The following CPPED1 variants were observed in gnomAD, a reference collection of about 807,000 sequenced individuals.
CPPED1 encodes serine/threonine-protein phosphatase CPPED1.
CPPED1 carries 28 observed loss-of-function variants against 28.0 expected under a neutral mutation model. That is an observed-to-expected ratio of 1.00 (90% CI 0.74 to 1.37). The LOEUF (loss-of-function observed/expected upper bound fraction) is 1.37, where lower values mean the gene tolerates loss of function less well. Ranked by LOEUF, CPPED1 falls within the 40% of genes most tolerant of loss-of-function variation. The pLI, the probability that CPPED1 is intolerant of heterozygous loss-of-function variation, is 0.00. For synonymous variants in CPPED1, 198 were observed against 180.2 expected, an observed-to-expected ratio of 1.10 and a Z score of -0.79; for missense variants, 504 against 416.5, an observed-to-expected ratio of 1.21 and a Z score of -1.83.
chr16:12,704,035 G>C (rs995405461), intron 3 of CPPED1, among the ~76,000 whole-genome samples: 4 of 152,216 alleles, frequency 2.6e-5, no homozygotes, highest in Non-Finnish European at 5.9e-5. Flanking sequence ...TACCTTGGCA[G>C]AGGAAAACTG....
At chr16:12,742,706 C>T (rs2080262816) in intron 2 of CPPED1, among the ~76,000 whole-genome samples, 1 of 152,154 alleles carries the variant, frequency 6.6e-6, no homozygotes, top group Admixed American at 6.5e-5. Context: ...CCAATAGCTG[C>T]TTCTCAGTTA....
chr16:12,757,907 T>C (rs987860230), intron 2 of CPPED1: 2 of 151,246 alleles, frequency 1.3e-5, no homozygotes, highest in African/African-American at 4.9e-5. Context: ...GAGCAAAATA[T>C]ATGGCAACAA....
chr16:12,746,353 G>A (rs187356499), intron 2 of CPPED1, among the ~76,000 whole-genome samples: 14 of 125,396 alleles, frequency 1.1e-4, no homozygotes, highest in East Asian at 4.8e-4. Flanking sequence ...CCGCCTAGGC[G>A]ACAGAGCAAG....
chr16:12,771,921 G>C (rs1009924515), intron 2 of CPPED1, among the ~76,000 whole-genome samples: 1 of 152,122 alleles, frequency 6.6e-6, no homozygotes, highest in Non-Finnish European at 1.5e-5. Context: ...TCAGGAGTTT[G>C]AGACCAGCCT....
intron 2 of CPPED1, among the ~76,000 whole-genome samples, chr16:12,751,632 T>C (rs1227526790): frequency 6.6e-6 from 1 of 152,168 alleles, no homozygotes; most frequent in African/African-American, 2.4e-5. Flanking sequence ...TCCAAATGTC[T>C]CATTACCTGA....
At chr16:12,687,419 C>T (rs1408581974) in intron 3 of CPPED1, among the ~76,000 whole-genome samples, 1 of 152,186 alleles carries the variant, frequency 6.6e-6, no homozygotes, top group Non-Finnish European at 1.5e-5. Context: ...AAGCAATGTG[C>T]ACCTTCTTGG....
chr16:12,767,091 T>C (rs927834088), intron 2 of CPPED1, among the ~76,000 whole-genome samples: 4 of 151,864 alleles, frequency 2.6e-5, no homozygotes, highest in African/African-American at 9.7e-5. Flanking sequence ...GGAGGCTTAG[T>C]AAGGGAATGG....
At chr16:12,728,471 A>G (rs149992297) in intron 2 of CPPED1, among the ~76,000 whole-genome samples, 70 of 152,260 alleles carry the variant, frequency 4.6e-4, no homozygotes, top group African/African-American at 1.6e-3. Context: ...CCCCCGAGAA[A>G]GATTGAGAGG....
intron 2 of CPPED1, among the ~76,000 whole-genome samples, chr16:12,745,386 C>A (rs546568819): frequency 2.3e-4 from 35 of 152,260 alleles, no homozygotes; most frequent in African/African-American, 8.4e-4. Flanking sequence ...TGCACTGCAG[C>A]ACTGTTCACA....
chr16:12,696,502 G>A (rs1371247129), intron 3 of CPPED1, among the ~76,000 whole-genome samples: 4 of 148,480 alleles, frequency 2.7e-5, no homozygotes, highest in South Asian at 2.1e-4. Flanking sequence ...ATGCAGTGGC[G>A]TGATCTCGGC....
chr16:12,744,288 G>A (rs1374560213), intron 2 of CPPED1, among the ~76,000 whole-genome samples: 47 of 146,844 alleles, frequency 3.2e-4, no homozygotes, highest in African/African-American at 1.2e-3. Context: ...GAGAGAGAGA[G>A]AGAGAGAGAA....
intron 2 of CPPED1, among the ~76,000 whole-genome samples, chr16:12,719,621 G>A (rs1013902313): frequency 6.6e-6 from 1 of 151,842 alleles, no homozygotes; most frequent in Non-Finnish European, 1.5e-5. Context: ...CCCTCCATAC[G>A]CACAAATGAC....
intron 3 of CPPED1, among the ~76,000 whole-genome samples, chr16:12,694,163 G>A (rs745859377): frequency 1.3e-5 from 2 of 152,100 alleles, no homozygotes; most frequent in East Asian, 1.9e-4. Flanking sequence ...CCGAGATTGC[G>A]CCACTGCACT....
At chr16:12,700,588 C>T (rs1371707986) in intron 3 of CPPED1, among the ~76,000 whole-genome samples, 5 of 152,348 alleles carry the variant, frequency 3.3e-5, no homozygotes, top group South Asian at 2.1e-4. Flanking sequence ...GACAGGGTTT[C>T]GCCCTGCTGG....
Position 12,683,857 on chromosome 16 carries a change from G to T in CPPED1, c.716-18742C>A, listed in dbSNP as rs374346492. ...TCTACCCCGTAAAAAGAGGAGGTGA[G>T]CAGTCCAGGGAGGGCGCAGCCTCTC... is the stretch of plus-strand genomic sequence containing the variant. On this transcript the variant is annotated intron_variant, in intron 3 of 3. Transcript: ENST00000381774. Among the ~76,000 whole-genome samples, 26 of 152,336 alleles carry T rather than the reference G, an allele frequency of 1.7e-4. No individual in the cohort carries two copies. The South Asian group carries it at 5.4e-3, about 32-fold the overall frequency.
intron 2 of CPPED1, chr16:12,759,422 C>G (rs1224259709): frequency 6.6e-6 from 1 of 152,234 alleles, no homozygotes; most frequent in Non-Finnish European, 1.5e-5. Flanking sequence ...CAAGGTGAGT[C>G]TGAGTACTAG....
intron 2 of CPPED1, among the ~76,000 whole-genome samples, chr16:12,763,920 G>C (rs2080424280): frequency 6.7e-6 from 1 of 149,080 alleles, no homozygotes; most frequent in African/African-American, 2.6e-5. Context: ...CCTAATACAA[G>C]CTGGTATTTT....
At chr16:12,788,860 G>C (rs1411010615) in intron 1 of CPPED1, among the ~76,000 whole-genome samples, 3 of 152,198 alleles carry the variant, frequency 2.0e-5, no homozygotes, top group Admixed American at 6.5e-5. Context: ...GCTTTTCCCT[G>C]GTCGGCCGTG....
chr16:12,705,164 C>A, intron 2 of CPPED1, 115 bp from the exon 3 acceptor site: 1 of 1,141,074 alleles, frequency 8.8e-7, no homozygotes, highest in East Asian at 2.6e-5. Flanking sequence ...AAATCCACTC[C>A]ACCTAGCACA....
Sources: allele counts gnomAD v4.1 joint callset (sites outside exome capture counted in the v4.1 genomes callset), GRCh38; gene constraint gnomAD v4.1.1; transcripts MANE v1.5; gene names NCBI Gene and HGNC (gene_info 2026-07-23, HGNC 2026-07-21).